Variants in HMX3 observed in about 807,000 individuals in gnomAD.
HMX3 encodes H6 family homeobox 3.
HMX3 carries 8 observed loss-of-function variants against 22.8 expected under a neutral mutation model. That is an observed-to-expected ratio of 0.35 (90% confidence interval 0.21 to 0.63). HMX3 has a LOEUF of 0.63. Ranked by LOEUF, HMX3 falls within the 30% of genes least tolerant of loss-of-function variation. The pLI, the probability that HMX3 is intolerant of heterozygous loss-of-function variation, is 0.72. For synonymous variants in HMX3, 331 were observed against 250.9 expected (o/e 1.32, Z -3.02); for missense variants, 527 against 520.6 (o/e 1.01, Z -0.12).
chr10:123,136,325 C>G lies in HMX3; in HGVS notation c.275C>G (p.Ala92Gly). Reference protein sequence around the residue: ...GFALSQVGDLAFPRFEIPAQR... With the variant: ...GFALSQVGDLGFPRFEIPAQR... The stretch of plus-strand genomic sequence containing the variant: ...GCGCTCTCGCAGGTGGGCGACCTGG[C>G]TTTCCCTCGCTTTGAGATCCCGGCG... The change falls in exon 1 of 2, where the codon GCT becomes GGT. Residue 92 changes from alanine to glycine, a missense_variant. This residue lies in a region of HMX3 where 386 missense variants were observed against 337.8 expected (regional missense o/e 1.14). Transcript: ENST00000357878. This position sits in a 1 kb window ranked among gnomAD's most constrained non-coding sequence, Gnocchi z 4.8. 1 of 1,567,410 alleles carries G rather than the reference C, an allele frequency of 6.4e-7. No homozygotes were observed. Among genetic ancestry groups the G allele is most frequent in the East Asian group, 2.6e-5 (1 of 39,080 alleles).
chr10:123,139,379 T>A lies in HMX3; in HGVS notation c.*1648T>A, dbSNP rs546670149. Among the ~76,000 whole-genome samples the A allele has an allele frequency of 6.6e-6, 1 of 151,906 alleles. No homozygotes were observed. The highest frequency in any genetic ancestry group is 1.5e-5 in the Non-Finnish European group (1 of 67,954). The stretch of plus-strand genomic sequence containing the variant: ...AACCCACAAAATATTGTTACACTAA[T>A]GTTGTCGTGACATTGAATTAATTAA... On this transcript the variant is annotated 3_prime_UTR_variant, in exon 2 of 2. Coordinates refer to ENST00000357878, the MANE Select transcript of HMX3 (RefSeq NM_001105574.2).
Position 123,137,211 on chromosome 10 carries a change from G to A in HMX3, c.554G>A (p.Ser185Asn). 4 of 1,599,570 alleles carry A rather than the reference G, an allele frequency of 2.5e-6. No homozygotes were observed. Among genetic ancestry groups the A allele is most frequent in the Non-Finnish European group, 3.4e-6 (4 of 1,173,220 alleles). Residue 185 changes from serine to asparagine, a missense_variant, in exon 2 of 2, where the codon AGC becomes AAC. Ser to Asn is a conservative substitution (Grantham distance 46). Coordinates refer to ENST00000357878, the MANE Select transcript of HMX3 (RefSeq NM_001105574.2). The surrounding 1 kb of genome is among the most constrained non-coding windows in gnomAD (Gnocchi z 5.8). ...IILEESDSEE[S>N]KKEGEAAPGA... ...CTGGAGGAGAGCGACTCCGAGGAAA[G>A]CAAAAAGGAAGGCGAAGCGGCGCCA...
chr10:123,136,564 G>A lies in HMX3; in HGVS notation c.400+114G>A. ...CCAGCACCCGCAAACCCTCTGCTCG[G>A]TCAGTTTTTTTCGGCCCCTAGCCTG... On this transcript the variant is annotated intron_variant, in intron 1 of 1. Coordinates refer to ENST00000357878, the MANE Select transcript of HMX3 (RefSeq NM_001105574.2). This position sits in a 1 kb window ranked among gnomAD's most constrained non-coding sequence, Gnocchi z 4.8. 1.1e-6 allele frequency: 1 copy of A among 901,428 alleles called. No individual in the cohort carries two copies. The highest frequency in any genetic ancestry group is 1.5e-6 in the Non-Finnish European group (1 of 669,540). The allele number at this position is 901,428 out of a possible 1,614,324, so 55.8% of individuals were successfully genotyped here. A position where few individuals can be genotyped will look rare whatever the true frequency, so the allele number is the denominator to read the frequency against.
Position 123,139,106 on chromosome 10 carries a change from A to G in HMX3, c.*1375A>G. Among the ~76,000 whole-genome samples the G allele has an allele frequency of 6.6e-6, 1 of 152,178 alleles. No homozygotes were observed. The highest frequency in any genetic ancestry group is 1.9e-4 in the East Asian group (1 of 5,200). On this transcript the variant is annotated 3_prime_UTR_variant, in exon 2 of 2. Coordinates refer to ENST00000357878, the MANE Select transcript of HMX3 (RefSeq NM_001105574.2). ...GAAACAAGCTTAGGTAGTGATGCTC[A>G]AAGGAGTAAGTTAGGCATACTGGAG...
At position 123,137,035 on chromosome 10, in the gene HMX3, C is replaced by G; in HGVS notation, c.401-23C>G. ...GGCTGTGTCGGTGTGCATGTGTGTG[C>G]GTCCGTCTGTCTGTCTCCCCAGCCT... On this transcript the variant is annotated intron_variant, in intron 1 of 1. Transcript: ENST00000357878. This position sits in a 1 kb window ranked among gnomAD's most constrained non-coding sequence, Gnocchi z 5.8. 1.9e-6 allele frequency: 3 copies of G among 1,583,172 alleles called. No homozygotes were observed. The highest frequency in any genetic ancestry group is 8.6e-7 in the Non-Finnish European group (1 of 1,165,984).
Position 123,136,422 on chromosome 10 carries a change from C to A in HMX3, c.372C>A (p.Pro124=). The change falls in exon 1 of 2, where the codon CCC becomes CCA. Residue 124 remains proline, a synonymous_variant. Coordinates refer to ENST00000357878, the MANE Select transcript of HMX3 (RefSeq NM_001105574.2). This position sits in a 1 kb window ranked among gnomAD's most constrained non-coding sequence, Gnocchi z 4.8. The stretch of plus-strand genomic sequence containing the variant: ...GGTGGTACCCCTACACCCTGACCCC[C>A]GCCGGCGGCCACCTCCCGCGACCTG... ...PAWWYPYTLT[P]AGGHLPRPEA... is the part of the protein sequence containing the mutation. 1 of 1,489,896 alleles carries A rather than the reference C, an allele frequency of 6.7e-7. No homozygotes were observed. Among genetic ancestry groups the A allele is most frequent in the Non-Finnish European group, 8.9e-7 (1 of 1,118,176 alleles). The allele number at this position is 1,489,896 out of a possible 1,614,324, so 92.3% of individuals were successfully genotyped here.
At position 123,138,989 on chromosome 10, in the gene HMX3, C is replaced by G. The variant is rs1426055855; in HGVS notation, c.*1258C>G. On this transcript the variant is annotated 3_prime_UTR_variant, in exon 2 of 2. Coordinates refer to ENST00000357878, the MANE Select transcript of HMX3 (RefSeq NM_001105574.2). ...CAAAATCTCCTGAGAAAGCTGTTTC[C>G]TCCTCCACCGTGGGAAACAGACCTT... Among the ~76,000 whole-genome samples the G allele has an allele frequency of 1.3e-5, 2 of 152,064 alleles. No individual in the cohort carries two copies. Among genetic ancestry groups the G allele is most frequent in the Non-Finnish European group, 2.9e-5 (2 of 68,026 alleles).
rs1844113539 is a variant in HMX3, at chr10:123,139,326, TC to T, written c.*1598del. Among the ~76,000 whole-genome samples, 1 of 149,870 alleles carries T rather than the reference TC, an allele frequency of 6.7e-6. No individual in the cohort carries two copies. Among genetic ancestry groups the T allele is most frequent in the Non-Finnish European group, 1.5e-5 (1 of 67,352 alleles). ...CTCCCTCACCTCTGCCTGGGTTGAG[TC>T]CCTTTTTAAGAAAAAGAGAAAAAAA... On this transcript the variant is annotated 3_prime_UTR_variant, in exon 2 of 2. Transcript: ENST00000357878.
rs45492702 is a variant in HMX3 at position 123,137,301 on chromosome 10, G to C, written c.644G>C (p.Gly215Ala). ...CCGGGCGCAGAAGACTGGAAGAAGG[G>C]CGCTGAAAGTCCAGAGAAGAAGCCG... is the stretch of plus-strand genomic sequence containing the variant. ...ATPGAEDWKK[G>A]AESPEKKPAC... The change falls in exon 2 of 2, where the codon GGC becomes GCC. Residue 215 changes from glycine to alanine, a missense_variant. Physicochemically the swap from Gly to Ala is moderately conservative, Grantham distance 60 (BLOSUM62 0). Around this residue, in one of 3 missense-constraint regions of HMX3, gnomAD observed 386 missense variants for 337.8 expected, o/e 1.14. Transcript: ENST00000357878. This position sits in a 1 kb window ranked among gnomAD's most constrained non-coding sequence, Gnocchi z 5.8. The C allele has an allele frequency of 2.5e-6, 4 of 1,604,632 alleles. No individual in the cohort carries two copies. Among genetic ancestry groups the C allele is most frequent in the Non-Finnish European group, 3.4e-6 (4 of 1,175,962 alleles).
Position 123,137,590 on chromosome 10 carries a change from C to T in HMX3, c.933C>T (p.His311=). The T allele has an allele frequency of 1.9e-6, 3 of 1,596,146 alleles. No individual in the cohort carries two copies. The highest frequency in any genetic ancestry group is 2.3e-5 in the East Asian group (1 of 44,418). Residue 311 remains histidine, a synonymous_variant, in exon 2 of 2, where the codon CAC becomes CAT. Transcript: ENST00000357878. This position sits in a 1 kb window ranked among gnomAD's most constrained non-coding sequence, Gnocchi z 5.8. ...QRIVRVPILY[H]ENSAAEGAAA... ...TCGTGCGGGTGCCCATCCTCTACCA[C>T]GAGAACTCGGCGGCCGAGGGCGCGG... is the stretch of plus-strand genomic sequence containing the variant.
chr10:123,137,724 C>A lies in HMX3; in HGVS notation c.1067C>A (p.Pro356Gln), dbSNP rs762993606. 3 of 1,437,560 alleles carry A rather than the reference C, an allele frequency of 2.1e-6. No individual in the cohort carries two copies. Among genetic ancestry groups the A allele is most frequent in the African/African-American group, 1.5e-5 (1 of 68,310 alleles). 89.1% of individuals were successfully genotyped at this position (1,437,560 alleles called of 1,614,324 possible). ...GTCTCTTCCGTGCCGCTGCTACGGC[C>A]GGTCTGAGGCCCCAGAGGGGTGGGG... The part of the protein sequence containing the change: ...PVVSSVPLLR[P>Q]V Residue 356 changes from proline (P) to glutamine (Q), a missense_variant, in exon 2 of 2, where the codon CCG (proline) becomes CAG (glutamine). This residue lies in a region of HMX3 where 100 missense variants were observed against 102.3 expected (regional missense o/e 0.98). Coordinates refer to ENST00000357878, the MANE Select transcript of HMX3 (RefSeq NM_001105574.2). This position sits in a 1 kb window ranked among gnomAD's most constrained non-coding sequence, Gnocchi z 5.8.
chr10:123,136,554 C>A lies in HMX3; in HGVS notation c.400+104C>A. 2 of 958,290 alleles carry A rather than the reference C, an allele frequency of 2.1e-6. No individual in the cohort carries two copies. The highest frequency in any genetic ancestry group is 4.1e-5 in the Admixed American group (1 of 24,452). 59.4% of individuals were successfully genotyped at this position (958,290 alleles called of 1,614,324 possible). ...TTCTGGGACCCCAGCACCCGCAAAC[C>A]CTCTGCTCGGTCAGTTTTTTTCGGC... On this transcript the variant is annotated intron_variant, in intron 1 of 1. Transcript: ENST00000357878. The surrounding 1 kb of genome is among the most constrained non-coding windows in gnomAD (Gnocchi z 4.8).
In HMX3 at chr10:123,136,472, T is replaced by A. The variant is rs749906976; in HGVS notation, c.400+22T>A. 1 of 1,356,466 alleles carries A rather than the reference T, an allele frequency of 7.4e-7. No homozygotes were observed. Among genetic ancestry groups the A allele is most frequent in the Non-Finnish European group, 9.6e-7 (1 of 1,044,398 alleles). 84.0% of individuals were successfully genotyped at this position (1,356,466 alleles called of 1,614,324 possible). Reference sequence around the variant, plus strand: ...GAAGGTACCGACCTCTCTTTGAACTTTCGTTGTCCCCCTGCGCGCCCGCCC... The same window carrying A: ...GAAGGTACCGACCTCTCTTTGAACTATCGTTGTCCCCCTGCGCGCCCGCCC... On this transcript the variant is annotated intron_variant, in intron 1 of 1. Transcript: ENST00000357878. This position sits in a 1 kb window ranked among gnomAD's most constrained non-coding sequence, Gnocchi z 4.8.
rs1401745598 is a variant in HMX3 at position 123,137,041 on chromosome 10, T to A, written c.401-17T>A. On this transcript the variant is annotated splice_polypyrimidine_tract_variant and intron_variant, in intron 1 of 1. Coordinates refer to ENST00000357878, the MANE Select transcript of HMX3 (RefSeq NM_001105574.2). The surrounding 1 kb of genome is among the most constrained non-coding windows in gnomAD (Gnocchi z 5.8). The stretch of plus-strand genomic sequence containing the variant: ...GTCGGTGTGCATGTGTGTGCGTCCG[T>A]CTGTCTGTCTCCCCAGCCTCGGAGA... 6.3e-7 allele frequency: 1 copy of A among 1,590,156 alleles called. No individual in the cohort carries two copies. The highest frequency in any genetic ancestry group is 1.1e-5 in the South Asian group (1 of 88,088).
At position 123,137,552 on chromosome 10, in the gene HMX3, G is replaced by T. The variant is rs1213969957; in HGVS notation, c.895G>T (p.Ala299Ser). 3 of 1,609,764 alleles carry T rather than the reference G, an allele frequency of 1.9e-6. No individual in the cohort carries two copies. In the East Asian group the frequency reaches 6.7e-5, roughly 36 times the overall value. Reference sequence around the variant, plus strand: ...GGAGGCGGCCAACCTGAGCCATGCCGCGGCGCAGCGCATCGTGCGGGTGCC... The same window carrying T: ...GGAGGCGGCCAACCTGAGCCATGCCTCGGCGCAGCGCATCGTGCGGGTGCC... ...ELEAANLSHAAAQRIVRVPIL... is the reference protein window; with the variant it reads ...ELEAANLSHASAQRIVRVPIL... The change falls in exon 2 of 2, where the codon GCG becomes TCG. Residue 299 changes from alanine to serine, a missense_variant. Coordinates refer to ENST00000357878, the MANE Select transcript of HMX3 (RefSeq NM_001105574.2). The surrounding 1 kb of genome is among the most constrained non-coding windows in gnomAD (Gnocchi z 5.8).
rs1205376163 is a variant in HMX3, at chr10:123,138,792, A to G, written c.*1061A>G. Among the ~76,000 whole-genome samples the G allele has an allele frequency of 6.6e-6, 1 of 152,216 alleles. No homozygotes were observed. The highest frequency in any genetic ancestry group is 1.5e-5 in the Non-Finnish European group (1 of 68,040). ...GGTCTAAGTGGTCTTATTTATTAGT[A>G]GCATTTATTTTGAGAATTTCATTTG... is the stretch of plus-strand genomic sequence containing the variant. On this transcript the variant is annotated 3_prime_UTR_variant, in exon 2 of 2. Transcript: ENST00000357878.
rs1274844627 is a variant in HMX3, at chr10:123,138,423, C to G, written c.*692C>G. ...TCGGCCTCCCAAAGTGCTGGGATTA[C>G]AGGCGTGAGCCACTGCGCCCGGCCT... On this transcript the variant is annotated 3_prime_UTR_variant, in exon 2 of 2. Coordinates refer to ENST00000357878, the MANE Select transcript of HMX3 (RefSeq NM_001105574.2). 6.6e-6 allele frequency among the ~76,000 whole-genome samples: 1 copy of G among 152,166 alleles called. No homozygotes were observed. Among genetic ancestry groups the G allele is most frequent in the African/African-American group, 2.4e-5 (1 of 41,432 alleles).
Position 123,137,021 on chromosome 10 carries a change from T to G in HMX3, c.401-37T>G. 6.4e-7 allele frequency: 1 copy of G among 1,553,012 alleles called. No homozygotes were observed. The highest frequency in any genetic ancestry group is 1.4e-5 in the African/African-American group (1 of 72,652). On this transcript the variant is annotated intron_variant, in intron 1 of 1. Transcript: ENST00000357878. The surrounding 1 kb of genome is among the most constrained non-coding windows in gnomAD (Gnocchi z 5.8). Reference sequence around the variant, plus strand: ...CGGGCCTCGCTCAAGGCTGTGTCGGTGTGCATGTGTGTGCGTCCGTCTGTC... The same window carrying G: ...CGGGCCTCGCTCAAGGCTGTGTCGGGGTGCATGTGTGTGCGTCCGTCTGTC...
chr10:123,136,182 G>A lies in HMX3; in HGVS notation c.132G>A (p.Pro44=). 7 of 1,256,564 alleles carry A rather than the reference G, an allele frequency of 5.6e-6. No individual in the cohort carries two copies. The highest frequency in any genetic ancestry group is 4.6e-5 in the East Asian group (1 of 21,876). The allele number at this position is 1,256,564 out of a possible 1,614,324, so 77.8% of individuals were successfully genotyped here. A position where few individuals can be genotyped will look rare whatever the true frequency, so the allele number is the denominator to read the frequency against. Residue 44 remains proline, a synonymous_variant, in exon 1 of 2, where the codon CCG becomes CCA. Transcript: ENST00000357878. This position sits in a 1 kb window ranked among gnomAD's most constrained non-coding sequence, Gnocchi z 4.8. ...KNLLNGDHHR[P]PPKPQPPPRT... ...TGCTCAACGGAGACCACCACCGGCC[G>A]CCCCCTAAGCCTCAGCCGCCCCCAC...
Sources: allele counts gnomAD v4.1 joint callset (sites outside exome capture counted in the v4.1 genomes callset), GRCh38; gene constraint gnomAD v4.1.1; regional missense constraint gnomAD v4.1.1; non-coding constraint Gnocchi (gnomAD v3.1); transcripts MANE v1.5; gene names NCBI Gene and HGNC (gene_info 2026-07-23, HGNC 2026-07-21).